NINL: variants seen among roughly 807,000 people sequenced by gnomAD.
The protein encoded by NINL is ninein-like protein.
Under a neutral mutation model 160.3 loss-of-function variants are expected in NINL, and 153 were observed. The ratio of observed to expected loss-of-function variants is 0.95; its 90% CI spans 0.84 to 1.09. NINL has a LOEUF of 1.09. Among genes scored for constraint, NINL ranks in the 50% least tolerant of loss-of-function variants. The probability of loss-of-function intolerance (pLI) is 0.00; values close to 1 mark genes in which losing one functional copy is unlikely to be tolerated. For missense variants in NINL, 1,829 were observed against 1,764.0 expected (o/e 1.04, Z -0.66); for synonymous variants, 800 against 734.8 (o/e 1.09, Z -1.43).
chr20:25,571,870 A>G (rs967399211), intron 1 of NINL, among the ~76,000 whole-genome samples: 2,396 of 17,274 alleles, frequency 0.14, 80 homozygotes, highest in African/African-American at 0.19. Flanking sequence ...TCTGTCTGAA[A>G]AAAAAAAAAA....
chr20:25,543,108 G>C (rs985076240), intron 1 of NINL, among the ~76,000 whole-genome samples: 1 of 151,210 alleles, frequency 6.6e-6, no homozygotes, highest in Admixed American at 6.6e-5. Flanking sequence ...AAAGAAAAAA[G>C]TAAAATTATC....
At chr20:25,509,293 A>G (rs1364933980) in intron 5 of NINL, among the ~76,000 whole-genome samples, 1 of 151,912 alleles carries the variant, frequency 6.6e-6, no homozygotes, top group Non-Finnish European at 1.5e-5. Flanking sequence ...CCTCCAGCCC[A>G]GACGCATCAG....
At chr20:25,514,625 AG>A (rs1397564315) in intron 3 of NINL, among the ~76,000 whole-genome samples, 1 of 152,216 alleles carries the variant, frequency 6.6e-6, no homozygotes, top group Non-Finnish European at 1.5e-5. Flanking sequence ...CATTTCAGAG[AG>A]CTTCATGGCA....
chr20:25,476,340 C>A lies in NINL; in HGVS notation c.2951G>T (p.Arg984Leu). The change falls in exon 17 of 24, where the codon CGA (arginine) becomes CTA (leucine). Residue 984 changes from arginine to leucine, a missense_variant. Arg to Leu is a moderately radical substitution (Grantham distance 102). Transcript: ENST00000278886. ...CTCCTGGGTGCCCCTGCTCCAGCTT[C>A]GTGCTCGCTCTTCCTGAATGGCCTG... ...RLQAIQEERA[R>L]SWSRGTQEQA... 1 of 1,612,540 alleles carries A rather than the reference C, an allele frequency of 6.2e-7. No individual in the cohort carries two copies. Among genetic ancestry groups the A allele is most frequent in the Non-Finnish European group, 8.5e-7 (1 of 1,179,930 alleles).
At chr20:25,489,174 G>A (rs979397883) in intron 13 of NINL, 70 bp downstream of exon 13, 1 of 1,429,418 alleles carries the variant, frequency 7.0e-7, no homozygotes, top group Non-Finnish European at 9.9e-7. Flanking sequence ...CTGCGTTACT[G>A]TGGACCACCT....
intron 19 of NINL, among the ~76,000 whole-genome samples, chr20:25,465,201 C>T (rs368978698): frequency 2.0e-5 from 3 of 152,142 alleles, no homozygotes; most frequent in East Asian, 3.9e-4. Context: ...CTGGACAGAT[C>T]CAGAATGTGG....
chr20:25,528,946 C>T (rs916972621), intron 1 of NINL, among the ~76,000 whole-genome samples: 2 of 152,198 alleles, frequency 1.3e-5, no homozygotes, highest in African/African-American at 2.4e-5. Context: ...ATATAGATGT[C>T]GCTTTAATGT....
intron 17 of NINL, among the ~76,000 whole-genome samples, chr20:25,474,463 C>G (rs1427864734): frequency 6.6e-6 from 1 of 152,242 alleles, no homozygotes; most frequent in African/African-American, 2.4e-5. Flanking sequence ...CTGACACGGA[C>G]AGCAGACATT....
At chr20:25,584,724 A>C (rs1457763993) in intron 1 of NINL, among the ~76,000 whole-genome samples, 1 of 152,002 alleles carries the variant, frequency 6.6e-6, no homozygotes, top group East Asian at 1.9e-4. Context: ...AAACGTGGCC[A>C]CCCTTCCTCA....
chr20:25,520,107 T>C (rs879538732), intron 2 of NINL, among the ~76,000 whole-genome samples: 2 of 147,780 alleles, frequency 1.4e-5, no homozygotes, highest in Non-Finnish European at 3.0e-5. Flanking sequence ...GTCCAGGCAG[T>C]GGTTGACCTT....
At chr20:25,577,615 A>C (rs1280917165) in intron 1 of NINL, among the ~76,000 whole-genome samples, 7 of 152,146 alleles carry the variant, frequency 4.6e-5, no homozygotes, top group Admixed American at 2.6e-4. Context: ...TGAATATTGC[A>C]CTATATTGAC....
At chr20:25,501,143 C>A in intron 7 of NINL, 133 bp from the exon 8 acceptor site, 2 of 1,184,044 alleles carry the variant, frequency 1.7e-6, no homozygotes, top group Non-Finnish European at 2.3e-6. Flanking sequence ...CCATCCTCAG[C>A]TCTCAGAGGG....
chr20:25,510,447 C>T (rs574883423), intron 5 of NINL, among the ~76,000 whole-genome samples: 1 of 152,334 alleles, frequency 6.6e-6, no homozygotes, highest in East Asian at 1.9e-4. Flanking sequence ...GGGCCTCTGC[C>T]CCTGGGTCTG....
chr20:25,458,870 G>A (rs1227434188), intron 21 of NINL: 3 of 267,612 alleles, frequency 1.1e-5, no homozygotes, highest in Non-Finnish European at 2.1e-5. Flanking sequence ...CAACGACCAC[G>A]CCAGTTCTCC....
At position 25,476,866 on chromosome 20, in the gene NINL, A is replaced by G. The variant is rs1568873185; in HGVS notation, c.2425T>C (p.Leu809=). 2 of 1,612,534 alleles carry G rather than the reference A, an allele frequency of 1.2e-6. No individual in the cohort carries two copies. ...ACTCGCTTCCCGCGGGCAAGCTCCA[A>G]CTCCTCCTCCTCGAGGGCCAACGAT... ...CVSLALEEEE[L]ELARGKRVDG... The change falls in exon 17 of 24, where the codon TTG becomes CTG. Residue 809 remains leucine (L), a synonymous_variant. Coordinates refer to ENST00000278886, the MANE Select transcript of NINL (RefSeq NM_025176.6).
intron 1 of NINL, among the ~76,000 whole-genome samples, chr20:25,558,134 C>G (rs1440007827): frequency 6.6e-6 from 1 of 152,122 alleles, no homozygotes; most frequent in Non-Finnish European, 1.5e-5. Flanking sequence ...GAGCAAGACT[C>G]CATCTCAAAA....
intron 2 of NINL, among the ~76,000 whole-genome samples, chr20:25,522,598 T>C (rs900058039): frequency 7.9e-5 from 12 of 152,256 alleles, no homozygotes; most frequent in Admixed American, 2.0e-4. Context: ...TCAAAAATAG[T>C]TGTCAAATAC....
At position 25,476,851 on chromosome 20, in the gene NINL, C is replaced by T; in HGVS notation, c.2440G>A (p.Gly814Arg). The change falls in exon 17 of 24, where the codon GGG becomes AGG. Residue 814 changes from glycine (G) to arginine (R), a missense_variant. Gly to Arg is a moderately radical substitution (Grantham distance 125, BLOSUM62 -2). Coordinates refer to ENST00000278886, the MANE Select transcript of NINL (RefSeq NM_025176.6). ...AGGGAGGGCCCGTCCACTCGCTTCC[C>T]GCGGGCAAGCTCCAACTCCTCCTCC... is the stretch of plus-strand genomic sequence containing the variant. ...LEEEELELARGKRVDGPSLEA... is the reference protein window; with the variant it reads ...LEEEELELARRKRVDGPSLEA... The T allele has an allele frequency of 6.2e-7, 1 of 1,613,412 alleles. No homozygotes were observed. The highest frequency in any genetic ancestry group is 8.5e-7 in the Non-Finnish European group (1 of 1,179,926).
chr20:25,517,372 C>T (rs1370622723), intron 3 of NINL, among the ~76,000 whole-genome samples: 1 of 152,164 alleles, frequency 6.6e-6, no homozygotes, highest in Non-Finnish European at 1.5e-5. Context: ...CTGACCTTGC[C>T]CACAGCCTGT....
Sources: allele counts gnomAD v4.1 joint callset (sites outside exome capture counted in the v4.1 genomes callset), GRCh38; gene constraint gnomAD v4.1.1; transcripts MANE v1.5; gene names NCBI Gene and HGNC (gene_info 2026-07-23, HGNC 2026-07-21).